Variants in CHRNB3 observed in about 807,000 individuals in gnomAD.
CHRNB3 encodes cholinergic receptor nicotinic beta 3 subunit.
In CHRNB3, 37 loss-of-function variants were observed where a neutral mutation model predicts 40.6. The observed-to-expected ratio is 0.91, with a 90% CI of 0.70 to 1.20. The LOEUF (loss-of-function observed/expected upper bound fraction) is 1.20. Ranked by LOEUF, CHRNB3 falls within the 50% of genes most tolerant of loss-of-function variation. The probability of loss-of-function intolerance (pLI) is 0.00; values close to 1 mark genes in which losing one functional copy is unlikely to be tolerated. For synonymous variants in CHRNB3, 207 were observed against 207.1 expected (o/e 1.00, Z 0.00); for missense variants, 505 against 551.2 (o/e 0.92, Z 0.84).
At chr8:42,710,518 T>G in intron 3 of CHRNB3, 84 bp downstream of exon 3, 1 of 1,064,386 alleles carries the variant, frequency 9.4e-7, no homozygotes, top group East Asian at 2.4e-5. Context: ...AAACAATTAT[T>G]TAAGAGGGCA....
Position 42,732,610 on chromosome 8 carries a change from G to C in CHRNB3, c.1242+61G>C, listed in dbSNP as rs1250169165. On this transcript the variant is annotated intron_variant, in intron 5 of 5. Transcript: ENST00000289957. ...AAGGTAGGCCAAAGACAAATATTTT[G>C]ACATCTGTTTACAATAAAATATTGT... 3.4e-5 allele frequency: 49 copies of C among 1,423,854 alleles called. 2 individuals carry two copies. The South Asian group carries it at 6.1e-4, about 18-fold the overall frequency. 88.2% of individuals were successfully genotyped at this position (1,423,854 alleles called of 1,614,324 possible). A position where few individuals can be genotyped will look rare whatever the true frequency, so the allele number is the denominator to read the frequency against.
At chr8:42,727,374 A>G (rs1320286216) in intron 3 of CHRNB3, among the ~76,000 whole-genome samples, 1 of 73,830 alleles carries the variant, frequency 1.4e-5, no homozygotes, top group East Asian at 2.3e-4. Context: ...CTCTGTCTCG[A>G]AAAAAAAAAA....
At chr8:42,712,857 CTCT>C (rs1315470987) in intron 3 of CHRNB3, among the ~76,000 whole-genome samples, 15 of 105,894 alleles carry the variant, frequency 1.4e-4, no homozygotes, top group Middle Eastern at 9.7e-3. Context: ...CCCCACTGCT[CTCT>C]TTTTTTTTTT....
intron 3 of CHRNB3, chr8:42,726,173 AT>A: frequency 7.7e-7 from 1 of 1,301,244 alleles, no homozygotes; most frequent in Non-Finnish European, 1.1e-6. Context: ...AGCTGTCCTC[AT>A]TTTCAGGAGA....
chr8:42,715,849 G>A (rs1277066940), intron 3 of CHRNB3, among the ~76,000 whole-genome samples: 1 of 151,736 alleles, frequency 6.6e-6, no homozygotes, highest in Non-Finnish European at 1.5e-5. Flanking sequence ...TAAATATATT[G>A]TTAACATTGA....
chr8:42,730,848 A>G (rs1816400967), intron 4 of CHRNB3, 145 bp downstream of exon 4: 1 of 426,114 alleles, frequency 2.3e-6, no homozygotes, highest in Admixed American at 3.9e-5. Context: ...GGAGATCGAG[A>G]CCATCCTGGC....
At chr8:42,724,659 C>A (rs1169236281) in intron 3 of CHRNB3, among the ~76,000 whole-genome samples, 1 of 152,068 alleles carries the variant, frequency 6.6e-6, no homozygotes, top group Non-Finnish European at 1.5e-5. Flanking sequence ...GTGCTGATTT[C>A]AGACGAGGCG....
At chr8:42,717,393 A>AC (rs1816131993) in intron 3 of CHRNB3, among the ~76,000 whole-genome samples, 1 of 110,130 alleles carries the variant, frequency 9.1e-6, no homozygotes. Context: ...AAAAAAAAAA[A>AC]AAAAAAAAAA....
At chr8:42,703,440 T>TTATA (rs56211568) in intron 1 of CHRNB3, among the ~76,000 whole-genome samples, 3 of 80,714 alleles carry the variant, frequency 3.7e-5, no homozygotes, top group South Asian at 1.1e-3. Context: ...AAAAAAATAT[T>TTATA]TATATATATA....
At chr8:42,714,844 C>T (rs959146738) in intron 3 of CHRNB3, 5 of 152,164 alleles carry the variant, frequency 3.3e-5, no homozygotes, top group African/African-American at 1.2e-4. Flanking sequence ...GGGAAGTCGA[C>T]TTATGTAGAG....
Position 42,703,435 on chromosome 8 carries a change from A to AAAAAAAAATATATATATATAT in CHRNB3, c.53-5281_53-5280insAAAAAAATATATATATATATA. Among the ~76,000 whole-genome samples, 154 of 47,348 alleles carry AAAAAAAAATATATATATATAT rather than the reference A, an allele frequency of 3.3e-3. 23 individuals carry two copies. Among genetic ancestry groups the AAAAAAAAATATATATATATAT allele is most frequent in the South Asian group, 5.3e-3 (6 of 1,136 alleles). The allele number at this position is 47,348 out of a possible 152,430, so 31.1% of individuals were successfully genotyped here. ...CAAGACTTCGTCTAAAAAAAAAAAAAATATTTATATATATATATATATATA... is the reference window on the plus strand; with the variant it reads ...CAAGACTTCGTCTAAAAAAAAAAAAAAAAAAAAATATATATATATATATATTTATATATATATATATATATA... On this transcript the variant is annotated intron_variant, in intron 1 of 5. Coordinates refer to ENST00000289957, the MANE Select transcript of CHRNB3 (RefSeq NM_000749.5).
rs563630624 is a variant in CHRNB3, at chr8:42,725,641, C to T, written c.250-4953C>T. Reference sequence around the variant, plus strand: ...GCCCACTCTATTTTTGGTAGCATGACGGGCCACTGAGAGGTGGAAAGGGCA... The same window carrying T: ...GCCCACTCTATTTTTGGTAGCATGATGGGCCACTGAGAGGTGGAAAGGGCA... On this transcript the variant is annotated intron_variant, in intron 3 of 5. Transcript: ENST00000289957. The T allele has an allele frequency of 2.8e-4, 320 of 1,139,374 alleles. 5 individuals are homozygous for T. The highest frequency in any genetic ancestry group is 2.1e-3 in the South Asian group (171 of 81,468). The allele number at this position is 1,139,374 out of a possible 1,614,324, so 70.6% of individuals were successfully genotyped here. A position where few individuals can be genotyped will look rare whatever the true frequency, so the allele number is the denominator to read the frequency against.
chr8:42,709,962 C>T (rs116093618), intron 2 of CHRNB3, among the ~76,000 whole-genome samples: 1,688 of 152,280 alleles, frequency 0.011, 35 homozygotes, highest in African/African-American at 0.039. Context: ...CCTTCTGGGT[C>T]ATCCAATTTT....
At chr8:42,721,908 G>A (rs1322871227) in intron 3 of CHRNB3, 1 of 152,188 alleles carries the variant, frequency 6.6e-6, no homozygotes, top group Non-Finnish European at 1.5e-5. Context: ...CAGGCCTGGA[G>A]CAGAAGGATG....
Position 42,732,466 on chromosome 8 carries a change from G to T in CHRNB3, c.1159G>T (p.Val387Phe). 1 of 1,612,712 alleles carries T rather than the reference G, an allele frequency of 6.2e-7. No individual in the cohort carries two copies. The highest frequency in any genetic ancestry group is 8.5e-7 in the Non-Finnish European group (1 of 1,179,770). ...KQKQLSDGEK[V>F]LVAFLEKAAD... ...GAAACAGCTTAGTGATGGAGAAAAA[G>T]TTCTAGTTGCTTTTTTGGAAAAAGC... Residue 387 changes from valine (V) to phenylalanine (F), a missense_variant, in exon 5 of 6, where the codon GTT (valine) becomes TTT (phenylalanine). Val to Phe is a conservative substitution (Grantham distance 50). Transcript: ENST00000289957.
At position 42,710,453 on chromosome 8, in the gene CHRNB3, A is replaced by T; in HGVS notation, c.249+19A>T. Reference sequence around the variant, plus strand: ...CAAACAGGTAAATTTCAATCCAAGGATTGTGTCTGCTAACCCAGTCACTTA... The same window carrying T: ...CAAACAGGTAAATTTCAATCCAAGGTTTGTGTCTGCTAACCCAGTCACTTA... On this transcript the variant is annotated intron_variant, in intron 3 of 5. Coordinates refer to ENST00000289957, the MANE Select transcript of CHRNB3 (RefSeq NM_000749.5). The T allele has an allele frequency of 6.3e-7, 1 of 1,595,426 alleles. No individual in the cohort carries two copies. Among genetic ancestry groups the T allele is most frequent in the Non-Finnish European group, 8.6e-7 (1 of 1,165,956 alleles).
chr8:42,701,575 G>A (rs1815800398), intron 1 of CHRNB3, among the ~76,000 whole-genome samples: 2 of 152,258 alleles, frequency 1.3e-5, no homozygotes, highest in Non-Finnish European at 2.9e-5. Flanking sequence ...GAGACCAGAA[G>A]GTCAGGTCTT....
chr8:42,730,745 A>G (rs775156000), intron 4 of CHRNB3, 42 bp downstream of exon 4: 1 of 1,394,370 alleles, frequency 7.2e-7, no homozygotes, highest in Admixed American at 2.0e-5. Flanking sequence ...AAAAAAATAA[A>G]TTTTTTAAAA....
chr8:42,710,299 C>A, intron 2 of CHRNB3, 91 bp from the exon 3 acceptor site: 1 of 1,000,342 alleles, frequency 1.0e-6, no homozygotes, highest in Non-Finnish European at 1.5e-6. Context: ...GCCTGGGCAA[C>A]ATCTTGAGAT....
Sources: allele counts gnomAD v4.1 joint callset (sites outside exome capture counted in the v4.1 genomes callset), GRCh38; gene constraint gnomAD v4.1.1; transcripts MANE v1.5; gene names NCBI Gene and HGNC (gene_info 2026-07-23, HGNC 2026-07-21).